Variants in CLSTN2 observed in about 807,000 individuals in gnomAD.
CLSTN2 encodes the protein calsyntenin-2.
Under a neutral mutation model 101.2 loss-of-function variants are expected in CLSTN2, and 48 were observed. That is an observed-to-expected ratio of 0.47 (90% CI 0.38 to 0.60). The LOEUF (loss-of-function observed/expected upper bound fraction) is 0.60. Among genes scored for constraint, CLSTN2 ranks in the 20% least tolerant of loss-of-function variants. The probability of loss-of-function intolerance (pLI) is 0.00; values close to 1 mark genes in which losing one functional copy is unlikely to be tolerated. For synonymous variants in CLSTN2, 481 were observed against 463.6 expected (o/e 1.04, Z -0.48); for missense variants, 1,160 against 1,238.2 (o/e 0.94, Z 0.95).
intron 2 of CLSTN2, among the ~76,000 whole-genome samples, chr3:140,278,446 A>G (rs1408331828): frequency 6.6e-6 from 1 of 152,112 alleles, no homozygotes; most frequent in Non-Finnish European, 1.5e-5. Context: ...TCCCAGGCTC[A>G]TGGCTGCTCA....
chr3:140,430,248 T>A (rs1435455228), intron 5 of CLSTN2, among the ~76,000 whole-genome samples: 1 of 152,166 alleles, frequency 6.6e-6, no homozygotes, highest in Non-Finnish European at 1.5e-5. Flanking sequence ...CAACCTTTTA[T>A]TTTAATAGAT....
chr3:140,130,865 C>A (rs1032332388), intron 1 of CLSTN2, among the ~76,000 whole-genome samples: 1 of 152,154 alleles, frequency 6.6e-6, no homozygotes, highest in Non-Finnish European at 1.5e-5. Flanking sequence ...AATGCTTGGA[C>A]CCTGTGTTTA....
At chr3:140,291,881 C>T (rs767587635) in intron 2 of CLSTN2, among the ~76,000 whole-genome samples, 19 of 152,078 alleles carry the variant, frequency 1.2e-4, no homozygotes, top group Non-Finnish European at 2.2e-4. Flanking sequence ...CACCAGCTGC[C>T]GCTTGAAAAC....
At chr3:140,081,782 A>G (rs577000919) in intron 1 of CLSTN2, among the ~76,000 whole-genome samples, 1 of 151,972 alleles carries the variant, frequency 6.6e-6, no homozygotes, top group Admixed American at 6.6e-5. Context: ...ATTTAGCATC[A>G]CTCTACTCTG....
At chr3:140,012,555 G>C (rs376015689) in intron 1 of CLSTN2, among the ~76,000 whole-genome samples, 1 of 152,124 alleles carries the variant, frequency 6.6e-6, no homozygotes. Flanking sequence ...GGGCAAAGGG[G>C]ACCCAAGGAA....
chr3:140,138,956 C>G (rs2009655989), intron 1 of CLSTN2, among the ~76,000 whole-genome samples: 1 of 152,176 alleles, frequency 6.6e-6, no homozygotes, highest in Admixed American at 6.5e-5. Context: ...GAGAAAGATC[C>G]AGGTCCAACT....
At chr3:140,237,152 A>G (rs547328642) in intron 2 of CLSTN2, among the ~76,000 whole-genome samples, 1 of 152,160 alleles carries the variant, frequency 6.6e-6, no homozygotes, top group East Asian at 1.9e-4. Context: ...TTTGTTCTGG[A>G]ATGCACTTAA....
intron 2 of CLSTN2, among the ~76,000 whole-genome samples, chr3:140,393,378 A>G (rs944425333): frequency 6.6e-6 from 1 of 152,190 alleles, no homozygotes; most frequent in South Asian, 2.1e-4. Context: ...TTCAGCCCCT[A>G]TATCTTGAGT....
chr3:140,316,377 G>C (rs1403289272), intron 2 of CLSTN2, among the ~76,000 whole-genome samples: 1 of 152,200 alleles, frequency 6.6e-6, no homozygotes, highest in Non-Finnish European at 1.5e-5. Context: ...TCATAGAATC[G>C]TGATCAAGTC....
chr3:140,553,938 G>A (rs546692172), intron 10 of CLSTN2, among the ~76,000 whole-genome samples: 174 of 152,286 alleles, frequency 1.1e-3, no homozygotes, highest in Non-Finnish European at 2.2e-3. Flanking sequence ...GTCCTTTTGG[G>A]GAGTGACAGG....
chr3:140,404,778 C>T lies in CLSTN2; in HGVS notation c.637+12C>T, dbSNP rs1431754339. On this transcript the variant is annotated intron_variant, in intron 4 of 16. Transcript: ENST00000458420. ...CATCGACAGAAATGGTGAGTGACCTCAGAGGACCCCTGTGGGGTCAGGAAA... is the reference window on the plus strand; with the variant it reads ...CATCGACAGAAATGGTGAGTGACCTTAGAGGACCCCTGTGGGGTCAGGAAA... 14 of 1,612,416 alleles carry T rather than the reference C, an allele frequency of 8.7e-6. No individual in the cohort carries two copies. Among genetic ancestry groups the T allele is most frequent in the Non-Finnish European group, 1.0e-5 (12 of 1,178,494 alleles).
chr3:140,551,258 G>A (rs1164834419), intron 10 of CLSTN2, among the ~76,000 whole-genome samples: 2 of 152,032 alleles, frequency 1.3e-5, no homozygotes, highest in African/African-American at 2.4e-5. Context: ...CTGGCTGGTC[G>A]AGAGAATTGA....
intron 8 of CLSTN2, among the ~76,000 whole-genome samples, chr3:140,513,576 T>A (rs1467378588): frequency 2.4e-5 from 2 of 83,502 alleles, no homozygotes; most frequent in African/African-American, 8.0e-5. Flanking sequence ...TTTCTTTTTT[T>A]TTCTTTCTTT....
chr3:140,103,571 T>G (rs549551024), intron 1 of CLSTN2, among the ~76,000 whole-genome samples: 3 of 152,282 alleles, frequency 2.0e-5, no homozygotes, highest in African/African-American at 4.8e-5. Context: ...TCAGGGTCCT[T>G]TTGAAGAAAA....
intron 1 of CLSTN2, among the ~76,000 whole-genome samples, chr3:140,045,612 G>A (rs2007861344): frequency 1.3e-5 from 2 of 151,898 alleles, no homozygotes; most frequent in African/African-American, 4.8e-5. Context: ...GCGATGTTAG[G>A]GTGTCAATTT....
intron 5 of CLSTN2, among the ~76,000 whole-genome samples, chr3:140,438,536 CA>C (rs2088711575): frequency 1.4e-5 from 2 of 142,562 alleles, no homozygotes; most frequent in Admixed American, 1.4e-4. Flanking sequence ...GCCATCTTTT[CA>C]AAAAGATTGA....
intron 2 of CLSTN2, among the ~76,000 whole-genome samples, chr3:140,208,416 A>G: frequency 6.6e-6 from 1 of 152,306 alleles, no homozygotes; most frequent in South Asian, 2.1e-4. Context: ...ATACAATAAG[A>G]TCTTTTAATC....
At chr3:139,983,198 T>A (rs907057874) in intron 1 of CLSTN2, among the ~76,000 whole-genome samples, 3 of 152,074 alleles carry the variant, frequency 2.0e-5, no homozygotes, top group African/African-American at 7.2e-5. Flanking sequence ...ATATTTCGAT[T>A]GGCGAAATTT....
rs575423203 is a variant in CLSTN2 at position 140,516,901 on chromosome 3, C to T, written c.1345-15423C>T. On this transcript the variant is annotated intron_variant, in intron 8 of 16. Transcript: ENST00000458420. Reference sequence around the variant, plus strand: ...TCTCTAGCAAAGCCATGGAAGTTTCCCTCAATTATTCCTTCAAATACGTTT... The same window carrying T: ...TCTCTAGCAAAGCCATGGAAGTTTCTCTCAATTATTCCTTCAAATACGTTT... Among the ~76,000 whole-genome samples the T allele has an allele frequency of 4.6e-5, 7 of 152,120 alleles. No homozygotes were observed. In the South Asian group the frequency reaches 8.3e-4, roughly 18 times the overall value.
Sources: allele counts gnomAD v4.1 joint callset (sites outside exome capture counted in the v4.1 genomes callset), GRCh38; gene constraint gnomAD v4.1.1; transcripts MANE v1.5; gene names NCBI Gene and HGNC (gene_info 2026-07-23, HGNC 2026-07-21).